ANKIB1: variants seen among roughly 807,000 people sequenced by gnomAD.
ANKIB1 encodes ankyrin repeat and IBR domain containing 1.
In ANKIB1, 43 loss-of-function variants were observed where a neutral mutation model predicts 122.1. The ratio of observed to expected loss-of-function variants is 0.35; its 90% CI spans 0.28 to 0.45. ANKIB1 has a LOEUF of 0.45. ANKIB1 is among the 20% of genes least tolerant of loss of function. The pLI, the probability that ANKIB1 is intolerant of heterozygous loss-of-function variation, is 1.00. For missense variants in ANKIB1, 992 were observed against 1,329.5 expected, an observed-to-expected ratio of 0.75 and a Z score of 3.95; for synonymous variants, 390 against 442.0, an observed-to-expected ratio of 0.88 and a Z score of 1.48.
At chr7:92,272,087 C>T (rs1801808032) in intron 1 of ANKIB1, among the ~76,000 whole-genome samples, 1 of 151,972 alleles carries the variant, frequency 6.6e-6, no homozygotes. Context: ...AAATTTTGGA[C>T]TTGAGTGGTG....
At chr7:92,337,972 A>C (rs1204834634) in intron 5 of ANKIB1, among the ~76,000 whole-genome samples, 1 of 152,214 alleles carries the variant, frequency 6.6e-6, no homozygotes, top group Non-Finnish European at 1.5e-5. Flanking sequence ...CTTTACATTC[A>C]TATTGCTATC....
intron 7 of ANKIB1, among the ~76,000 whole-genome samples, chr7:92,350,658 G>C (rs1248642061): frequency 1.3e-5 from 2 of 152,118 alleles, no homozygotes; most frequent in African/African-American, 4.8e-5. Flanking sequence ...AGGGGTTCGA[G>C]ATCAGTCTGG....
At chr7:92,379,563 A>G (rs186457641) in intron 11 of ANKIB1, among the ~76,000 whole-genome samples, 6 of 152,322 alleles carry the variant, frequency 3.9e-5, no homozygotes, top group Admixed American at 3.9e-4. Flanking sequence ...AAAGCCTACA[A>G]TATAGACAAA....
chr7:92,371,033 TA>T (rs573883253), intron 10 of ANKIB1, among the ~76,000 whole-genome samples: 1 of 152,346 alleles, frequency 6.6e-6, no homozygotes, highest in African/African-American at 2.4e-5. Flanking sequence ...AAGATGTTGA[TA>T]TTTTTTGCTT....
At chr7:92,292,535 A>G (rs1370784910) in intron 1 of ANKIB1, among the ~76,000 whole-genome samples, 1 of 152,136 alleles carries the variant, frequency 6.6e-6, no homozygotes, top group Admixed American at 6.5e-5. Flanking sequence ...TATTAATCTA[A>G]TCCAGAACTT....
intron 19 of ANKIB1, 131 bp from the exon 20 acceptor site, chr7:92,398,081 G>C (rs1255808146): frequency 9.1e-7 from 1 of 1,103,092 alleles, no homozygotes; most frequent in Non-Finnish European, 1.2e-6. Flanking sequence ...CAAGATTTTA[G>C]TAGATAAAAT....
At chr7:92,387,367 G>C (rs1804679567) in intron 12 of ANKIB1, among the ~76,000 whole-genome samples, 1 of 152,074 alleles carries the variant, frequency 6.6e-6, no homozygotes, top group African/African-American at 2.4e-5. Context: ...CTTCAATGTG[G>C]CTCATGCTTT....
At chr7:92,353,699 C>G (rs113713986) in intron 9 of ANKIB1, among the ~76,000 whole-genome samples, 3 of 152,338 alleles carry the variant, frequency 2.0e-5, no homozygotes, top group African/African-American at 7.2e-5. Context: ...ACCCCTGACT[C>G]TAAGTCAAGG....
intron 1 of ANKIB1, among the ~76,000 whole-genome samples, chr7:92,255,247 T>C: frequency 6.6e-6 from 1 of 152,240 alleles, no homozygotes. Context: ...CTCTCTCCTC[T>C]CTAGGTTAAA....
chr7:92,321,454 T>G (rs1030986143), intron 4 of ANKIB1, among the ~76,000 whole-genome samples: 6 of 152,206 alleles, frequency 3.9e-5, no homozygotes, highest in Non-Finnish European at 8.8e-5. Flanking sequence ...TTTATTGCCT[T>G]TCTCTCCTAT....
At chr7:92,301,162 T>C (rs1802450342) in intron 2 of ANKIB1, among the ~76,000 whole-genome samples, 1 of 152,218 alleles carries the variant, frequency 6.6e-6, no homozygotes, top group Non-Finnish European at 1.5e-5. Flanking sequence ...ATGGGAGTAC[T>C]GATATCTCTT....
At chr7:92,299,258 T>C (rs1026058449) in intron 2 of ANKIB1, among the ~76,000 whole-genome samples, 1 of 152,228 alleles carries the variant, frequency 6.6e-6, no homozygotes, top group Admixed American at 6.5e-5. Flanking sequence ...TTTATATTGT[T>C]TAATGAAATG....
At chr7:92,255,518 C>T (rs1202602051) in intron 1 of ANKIB1, among the ~76,000 whole-genome samples, 1 of 152,136 alleles carries the variant, frequency 6.6e-6, no homozygotes, top group Non-Finnish European at 1.5e-5. Flanking sequence ...GCAGTAGTTT[C>T]GTTATATTCT....
At chr7:92,378,989 A>T (rs1221540386) in intron 11 of ANKIB1, among the ~76,000 whole-genome samples, 1 of 152,228 alleles carries the variant, frequency 6.6e-6, no homozygotes, top group Non-Finnish European at 1.5e-5. Context: ...TGGGGAAAAA[A>T]TGTAAACCCA....
chr7:92,284,617 ATTTTC>A (rs998090063), intron 1 of ANKIB1, among the ~76,000 whole-genome samples: 2 of 151,864 alleles, frequency 1.3e-5, no homozygotes, highest in African/African-American at 2.4e-5. Context: ...TTTTCTTACC[ATTTTC>A]TTTTCTTTTT....
At chr7:92,363,255 A>T (rs1803991840) in intron 10 of ANKIB1, among the ~76,000 whole-genome samples, 1 of 151,958 alleles carries the variant, frequency 6.6e-6, no homozygotes, top group Non-Finnish European at 1.5e-5. Context: ...TACTAAAAAT[A>T]AAAAAATTAG....
At chr7:92,278,982 G>A (rs1272154041) in intron 1 of ANKIB1, among the ~76,000 whole-genome samples, 1 of 152,174 alleles carries the variant, frequency 6.6e-6, no homozygotes, top group Non-Finnish European at 1.5e-5. Flanking sequence ...AACCTTTTTG[G>A]TACTAGAGAC....
chr7:92,253,189 T>G (rs781248333), intron 1 of ANKIB1, among the ~76,000 whole-genome samples: 1 of 152,238 alleles, frequency 6.6e-6, no homozygotes, highest in Non-Finnish European at 1.5e-5. Context: ...CTTTCTCCCT[T>G]GAAATGTTTA....
intron 1 of ANKIB1, among the ~76,000 whole-genome samples, chr7:92,273,447 C>T (rs1393104644): frequency 6.6e-6 from 1 of 152,188 alleles, no homozygotes; most frequent in Non-Finnish European, 1.5e-5. Flanking sequence ...CTATGAGTTT[C>T]ATTTTATGAT....
Sources: gnomAD v4.1 joint callset for allele counts (sites outside exome capture counted in the v4.1 genomes callset) on GRCh38, gnomAD v4.1.1 for gene constraint, MANE v1.5 for transcripts, NCBI Gene and HGNC (gene_info 2026-07-23, HGNC 2026-07-21) for gene names.